NUAK1: variants seen among roughly 807,000 people sequenced by gnomAD.
The protein encoded by NUAK1 is NUAK family kinase 1, also known as NUAK family SNF1-like kinase 1.
Under a neutral mutation model 56.9 loss-of-function variants are expected in NUAK1, and 26 were observed. The ratio of observed to expected loss-of-function variants is 0.46; its 90% CI spans 0.33 to 0.63. The LOEUF is 0.63. NUAK1 is among the 30% of genes least tolerant of loss of function. NUAK1 has a pLI of 0.02. For synonymous variants in NUAK1, 337 were observed against 336.0 expected (o/e 1.00, Z -0.03); for missense variants, 727 against 876.1 (o/e 0.83, Z 2.15).
Position 106,086,714 on chromosome 12 carries a change from C to A in NUAK1, c.513+20G>T. 6.3e-7 allele frequency: 1 copy of A among 1,590,106 alleles called. No individual in the cohort carries two copies. The highest frequency in any genetic ancestry group is 8.6e-7 in the Non-Finnish European group (1 of 1,161,714). On this transcript the variant is annotated intron_variant, in intron 3 of 6. Transcript: ENST00000261402. The stretch of plus-strand genomic sequence containing the variant: ...TAAAAACCATCTACGGCCAAAGCTG[C>A]GGGCCAGGCGCAGCCATACCTTGTG...
At chr12:106,116,412 A>G (rs1224326513) in intron 1 of NUAK1, among the ~76,000 whole-genome samples, 1 of 152,180 alleles carries the variant, frequency 6.6e-6, no homozygotes, top group East Asian at 1.9e-4. Flanking sequence ...ATTCACAATA[A>G]AAGCTAGCAG....
intron 1 of NUAK1, among the ~76,000 whole-genome samples, chr12:106,128,129 TTTTTC>T (rs1234671542): frequency 1.1e-4 from 12 of 109,716 alleles, no homozygotes; most frequent in African/African-American, 3.5e-4. Flanking sequence ...CTCTCTTTTC[TTTTTC>T]TTTTTTTTTT....
At chr12:106,086,131 CAT>C (rs1231147726) in intron 3 of NUAK1, among the ~76,000 whole-genome samples, 1 of 152,160 alleles carries the variant, frequency 6.6e-6, no homozygotes, top group East Asian at 1.9e-4. Context: ...AAATTATTCA[CAT>C]GAGAGGAAAA....
chr12:106,093,446 G>A (rs1303803445), intron 2 of NUAK1, among the ~76,000 whole-genome samples: 5 of 152,288 alleles, frequency 3.3e-5, no homozygotes, highest in South Asian at 2.1e-4. Context: ...TGACAGTCCC[G>A]TTCTGCCCTC....
In NUAK1 at chr12:106,065,790, T is replaced by A. The variant is rs1339036169; in HGVS notation, c.*1012A>T. The A allele has an allele frequency of 6.6e-6, 1 of 152,640 alleles. No homozygotes were observed. The highest frequency in any genetic ancestry group is 1.9e-4 in the East Asian group (1 of 5,196). The allele number at this position is 152,640 out of a possible 1,614,324, so 9.5% of individuals were successfully genotyped here. A position where few individuals can be genotyped will look rare whatever the true frequency, so the allele number is the denominator to read the frequency against. On this transcript the variant is annotated 3_prime_UTR_variant, in exon 7 of 7. Transcript: ENST00000261402. ...CAAGAGGCAGCATTCCAGTTAATAT[T>A]GAGAAAGAAAGTGACAAGTTGCCTC...
At chr12:106,083,271 C>T (rs2032537480) in intron 4 of NUAK1, among the ~76,000 whole-genome samples, 1 of 152,086 alleles carries the variant, frequency 6.6e-6, no homozygotes, top group Non-Finnish European at 1.5e-5. Context: ...AAAGAAATAG[C>T]CAGGCAAAGA....
chr12:106,067,922 A>C lies in NUAK1; in HGVS notation c.866T>G (p.Val289Gly), dbSNP rs1592846874. ...AATAGTGGCCCGGCGATCGGGGTTC[A>C]CCATCAGCATCCACCGTATGAGTCC... ...ARGLIRWMLM[V>G]NPDRRATIED... The change falls in exon 7 of 7, where the codon GTG becomes GGG. Residue 289 changes from valine to glycine, a missense_variant. Coordinates refer to ENST00000261402, the MANE Select transcript of NUAK1 (RefSeq NM_014840.3). The surrounding 1 kb of genome is among the most constrained non-coding windows in gnomAD (Gnocchi z 6.0). The C allele has an allele frequency of 6.2e-7, 1 of 1,612,868 alleles. No homozygotes were observed. Among genetic ancestry groups the C allele is most frequent in the Middle Eastern group, 1.7e-4 (1 of 6,052 alleles).
chr12:106,116,934 C>T (rs760424743), intron 1 of NUAK1, among the ~76,000 whole-genome samples: 2 of 152,176 alleles, frequency 1.3e-5, no homozygotes, highest in Non-Finnish European at 2.9e-5. Context: ...GAGAATGAGT[C>T]GATTCCACAG....
At chr12:106,108,152 G>C (rs2032822216) in intron 1 of NUAK1, among the ~76,000 whole-genome samples, 1 of 152,046 alleles carries the variant, frequency 6.6e-6, no homozygotes, top group African/African-American at 2.4e-5. Flanking sequence ...GCTCAGACCA[G>C]AGAGGTGGTA....
At chr12:106,109,187 C>A (rs1324947877) in intron 1 of NUAK1, among the ~76,000 whole-genome samples, 2 of 152,154 alleles carry the variant, frequency 1.3e-5, no homozygotes, top group African/African-American at 4.8e-5. Flanking sequence ...GGTGGCGGAC[C>A]CATCCAAGGT....
chr12:106,125,092 T>C (rs1440836308), intron 1 of NUAK1, among the ~76,000 whole-genome samples: 1 of 152,184 alleles, frequency 6.6e-6, no homozygotes, highest in Non-Finnish European at 1.5e-5. Flanking sequence ...GCGCTCATCT[T>C]ACAGATAAGT....
chr12:106,071,028 A>T, intron 5 of NUAK1, 122 bp from the exon 6 acceptor site: 1 of 1,008,374 alleles, frequency 9.9e-7, no homozygotes, highest in Non-Finnish European at 1.5e-6. Flanking sequence ...TGAATTTAGC[A>T]CCTGGAAGAT....
intron 3 of NUAK1, 176 bp from the exon 4 acceptor site, chr12:106,084,105 GCCAGCGACCAA>G: frequency 1.7e-6 from 1 of 597,556 alleles, no homozygotes; most frequent in Non-Finnish European, 3.0e-6. Flanking sequence ...ACGCTCCCCC[GCCAGCGACCAA>G]CCAGCGACAG....
chr12:106,107,968 C>A (rs1388552606), intron 1 of NUAK1, among the ~76,000 whole-genome samples: 2 of 152,130 alleles, frequency 1.3e-5, no homozygotes, highest in Admixed American at 1.3e-4. Flanking sequence ...GGATCTTATT[C>A]ACTGCTTTAT....
At chr12:106,130,066 C>G (rs780480707) in intron 1 of NUAK1, among the ~76,000 whole-genome samples, 2 of 152,150 alleles carry the variant, frequency 1.3e-5, no homozygotes, top group African/African-American at 2.4e-5. Flanking sequence ...ACTGCAACCT[C>G]CGCCTCACAG....
Position 106,138,856 on chromosome 12 carries a change from GCGCACCGC to G in NUAK1, c.-211_-204del, listed in dbSNP as rs1462073291. 9 of 591,716 alleles carry G rather than the reference GCGCACCGC, an allele frequency of 1.5e-5. No individual in the cohort carries two copies. In the African/African-American group the frequency reaches 1.8e-4, roughly 12 times the overall value. The allele number at this position is 591,716 out of a possible 1,614,324, so 36.7% of individuals were successfully genotyped here. ...CTGGCGCCCGCGGCGCGCACGGTCC[GCGCACCGC>G]CCCCCGGCCGCGGCGAGCTGTGGAG... On this transcript the variant is annotated 5_prime_UTR_variant, in exon 1 of 7. Transcript: ENST00000261402. The surrounding 1 kb of genome is among the most constrained non-coding windows in gnomAD (Gnocchi z 5.0).
chr12:106,135,631 C>T (rs1005420088), intron 1 of NUAK1, among the ~76,000 whole-genome samples: 1 of 152,176 alleles, frequency 6.6e-6, no homozygotes, highest in Non-Finnish European at 1.5e-5. Flanking sequence ...TAGTAAAACA[C>T]GTTAGAACCA....
chr12:106,073,922 T>C (rs746851955), intron 4 of NUAK1, among the ~76,000 whole-genome samples: 1 of 152,204 alleles, frequency 6.6e-6, no homozygotes, highest in Admixed American at 6.5e-5. Flanking sequence ...TCCACACACC[T>C]TGGAGTCATT....
Position 106,138,857 on chromosome 12 carries a change from C to T in NUAK1, c.-204G>A. ...TGGCGCCCGCGGCGCGCACGGTCCG[C>T]GCACCGCCCCCCGGCCGCGGCGAGC... On this transcript the variant is annotated 5_prime_UTR_variant, in exon 1 of 7. Coordinates refer to ENST00000261402, the MANE Select transcript of NUAK1 (RefSeq NM_014840.3). The surrounding 1 kb of genome is among the most constrained non-coding windows in gnomAD (Gnocchi z 5.0). The T allele has an allele frequency of 1.7e-6, 1 of 581,744 alleles. No homozygotes were observed. Among genetic ancestry groups the T allele is most frequent in the Non-Finnish European group, 2.6e-6 (1 of 389,816 alleles). 36.0% of individuals were successfully genotyped at this position (581,744 alleles called of 1,614,324 possible). A position where few individuals can be genotyped will look rare whatever the true frequency, so the allele number is the denominator to read the frequency against.
Sources: allele counts gnomAD v4.1 joint callset (sites outside exome capture counted in the v4.1 genomes callset), GRCh38; gene constraint gnomAD v4.1.1; non-coding constraint Gnocchi (gnomAD v3.1); transcripts MANE v1.5; gene names NCBI Gene and HGNC (gene_info 2026-07-23, HGNC 2026-07-21).